The following MND1 variants were observed in gnomAD, a reference collection of about 807,000 sequenced individuals.
The protein encoded by MND1 is meiotic nuclear divisions 1, also known as meiotic nuclear division protein 1 homolog.
MND1 carries 28 observed loss-of-function variants against 35.1 expected under a neutral mutation model. The observed-to-expected ratio is 0.80, with a 90% CI of 0.59 to 1.09. MND1 has a LOEUF of 1.09. MND1 is among the 50% of genes least tolerant of loss of function. MND1 has a pLI of 0.00. For missense variants in MND1, 213 were observed against 239.6 expected (o/e 0.89, Z 0.73); for synonymous variants, 69 against 70.5 (o/e 0.98, Z 0.11).
intron 4 of MND1, among the ~76,000 whole-genome samples, chr4:153,383,015 A>G (rs955946822): frequency 6.6e-6 from 1 of 152,216 alleles, no homozygotes; most frequent in African/African-American, 2.4e-5. Context: ...GCAATTCCAT[A>G]TGTGAAAATA....
intron 4 of MND1, among the ~76,000 whole-genome samples, chr4:153,367,673 A>G (rs944941354): frequency 1.8e-4 from 27 of 152,140 alleles, no homozygotes; most frequent in Admixed American, 1.1e-3. Flanking sequence ...TTGTGTGGAC[A>G]TATGTTTTCA....
chr4:153,403,657 C>A (rs1461197832), intron 6 of MND1, among the ~76,000 whole-genome samples: 1 of 152,200 alleles, frequency 6.6e-6, no homozygotes, highest in Non-Finnish European at 1.5e-5. Context: ...AGTGCAGTGG[C>A]ACAATCTTGG....
chr4:153,356,501 C>T (rs1382632161), intron 3 of MND1, among the ~76,000 whole-genome samples: 2 of 127,998 alleles, frequency 1.6e-5, no homozygotes, highest in Non-Finnish European at 3.1e-5. Flanking sequence ...TGCAGTGAGC[C>T]GAGATCGCGC....
At chr4:153,391,053 A>G (rs919356613) in intron 4 of MND1, among the ~76,000 whole-genome samples, 7 of 150,952 alleles carry the variant, frequency 4.6e-5, no homozygotes, top group Admixed American at 4.6e-4. Context: ...GTTATGCTAA[A>G]ATATGTATTT....
At chr4:153,355,577 A>C in intron 2 of MND1, 77 bp from the exon 3 acceptor site, 1 of 887,334 alleles carries the variant, frequency 1.1e-6, no homozygotes. Context: ...ACCCATAATA[A>C]AAATTTTTAA....
intron 4 of MND1, among the ~76,000 whole-genome samples, chr4:153,371,403 G>T (rs1773786523): frequency 6.6e-6 from 1 of 152,054 alleles, no homozygotes; most frequent in Non-Finnish European, 1.5e-5. Context: ...CCAACAGAAG[G>T]CTGTTTTGTC....
rs750078540 is a variant in MND1 at position 153,414,776 on chromosome 4, G to A, written c.537G>A (p.Trp179Ter). Reference protein sequence around the residue: ...WTDNIFAIKSWAKRKFGFEEN... With the variant: ...WTDNIFAIKS ...ATAACATATTCGCAATAAAATCTTG[G>A]GCCAAAAGAAAATTTGGGTTTGAAG... The change falls in exon 8 of 8, where the codon TGG becomes TGA. Residue 179 changes from tryptophan (W) to a stop codon, truncating the protein, a stop_gained. Coordinates refer to ENST00000240488, the MANE Select transcript of MND1 (RefSeq NM_032117.4). LOFTEE classifies it high-confidence loss of function. The A allele has an allele frequency of 6.5e-7, 1 of 1,534,118 alleles. No homozygotes were observed. The highest frequency in any genetic ancestry group is 1.9e-5 in the Admixed American group (1 of 51,466).
intron 4 of MND1, among the ~76,000 whole-genome samples, chr4:153,381,544 T>TCA (rs1728681688): frequency 3.4e-5 from 5 of 148,782 alleles, no homozygotes; most frequent in Non-Finnish European, 7.4e-5. Context: ...TTTCCTGAAA[T>TCA]AGCCTTAATT....
intron 4 of MND1, among the ~76,000 whole-genome samples, chr4:153,381,150 C>T (rs765826919): frequency 2.6e-5 from 4 of 152,108 alleles, no homozygotes; most frequent in Non-Finnish European, 4.4e-5. Context: ...CCGCCTGCCT[C>T]GGCCTCCCAA....
intron 4 of MND1, among the ~76,000 whole-genome samples, chr4:153,388,078 A>G (rs1358654611): frequency 6.6e-6 from 1 of 152,176 alleles, no homozygotes; most frequent in East Asian, 1.9e-4. Context: ...CAGTTCCTCC[A>G]GGCAATGAAT....
intron 4 of MND1, among the ~76,000 whole-genome samples, chr4:153,364,471 C>T (rs984233303): frequency 1.7e-4 from 25 of 151,276 alleles, no homozygotes; most frequent in African/African-American, 6.1e-4. Context: ...GAGCTGTATT[C>T]GTGCCACTGC....
At chr4:153,361,679 T>C (rs866498361) in intron 4 of MND1, 3 of 380,556 alleles carry the variant, frequency 7.9e-6, no homozygotes, top group South Asian at 1.9e-5. Flanking sequence ...CCACTAAAAA[T>C]ACAAAAAAAA....
At chr4:153,358,759 C>T (rs2149633420) in intron 4 of MND1, 137 bp downstream of exon 4, 1 of 751,986 alleles carries the variant, frequency 1.3e-6, no homozygotes, top group South Asian at 3.1e-5. Flanking sequence ...TAATTAACAT[C>T]TGTTTCTCCT....
chr4:153,396,861 C>T (rs1236202849), intron 5 of MND1, among the ~76,000 whole-genome samples: 3 of 152,004 alleles, frequency 2.0e-5, no homozygotes, highest in African/African-American at 7.2e-5. Flanking sequence ...CACATATAGA[C>T]ATAATCTTGT....
chr4:153,351,316 ACT>A (rs1773212882), intron 2 of MND1, among the ~76,000 whole-genome samples: 2 of 152,108 alleles, frequency 1.3e-5, no homozygotes, highest in Admixed American at 6.5e-5. Flanking sequence ...AACATGAAAG[ACT>A]CTGAGGATCA....
chr4:153,350,232 C>G, intron 2 of MND1, 103 bp downstream of exon 2: 1 of 766,648 alleles, frequency 1.3e-6, no homozygotes, highest in East Asian at 2.6e-5. Context: ...CAATACTGAT[C>G]AATTTCTTGA....
intron 7 of MND1, 60 bp from the exon 8 acceptor site, chr4:153,414,691 A>G (rs1371167565): frequency 1.5e-6 from 1 of 683,036 alleles, no homozygotes; most frequent in South Asian, 2.6e-5. Context: ...GAAGATAATT[A>G]TACTTGAAAT....
chr4:153,346,386 A>G (rs1011989143), intron 1 of MND1, among the ~76,000 whole-genome samples: 21 of 152,208 alleles, frequency 1.4e-4, no homozygotes, highest in African/African-American at 4.6e-4. Flanking sequence ...ATACTTCCAG[A>G]AAGCTTCATA....
chr4:153,401,665 T>C (rs1193135661), intron 6 of MND1, among the ~76,000 whole-genome samples: 1 of 152,200 alleles, frequency 6.6e-6, no homozygotes, highest in Admixed American at 6.5e-5. Flanking sequence ...ACAAATTGAT[T>C]TTAATAGGAT....
Sources: allele counts gnomAD v4.1 joint callset (sites outside exome capture counted in the v4.1 genomes callset), GRCh38; gene constraint gnomAD v4.1.1; transcripts MANE v1.5; gene names NCBI Gene and HGNC (gene_info 2026-07-23, HGNC 2026-07-21).